PTPRN2: variants seen among roughly 807,000 people sequenced by gnomAD.
PTPRN2 encodes the protein receptor-type tyrosine-protein phosphatase N2.
PTPRN2 carries 74 observed loss-of-function variants against 118.8 expected under a neutral mutation model. The ratio of observed to expected loss-of-function variants is 0.62; its 90% CI spans 0.52 to 0.76. The LOEUF is 0.76. Ranked by LOEUF, PTPRN2 falls within the 30% of genes least tolerant of loss-of-function variation. The pLI is 0.00. For synonymous variants in PTPRN2, 641 were observed against 608.0 expected, an observed-to-expected ratio of 1.05 and a Z score of -0.80; for missense variants, 1,481 against 1,394.4, an observed-to-expected ratio of 1.06 and a Z score of -0.99.
intron 3 of PTPRN2, among the ~76,000 whole-genome samples, chr7:158,260,062 C>T (rs1484955086): frequency 6.6e-6 from 1 of 152,222 alleles, no homozygotes; most frequent in African/African-American, 2.4e-5. Context: ...TGTGCATGCA[C>T]ATATTTGTGT....
chr7:158,072,004 T>C (rs1266422633), intron 11 of PTPRN2, among the ~76,000 whole-genome samples: 1 of 103,076 alleles, frequency 9.7e-6, no homozygotes, highest in Non-Finnish European at 1.9e-5. Flanking sequence ...GTGGTGGAGG[T>C]GCTCGTCGTA....
In PTPRN2 at chr7:157,964,758, C is replaced by T. The variant is rs1233556821; in HGVS notation, c.1724-66021G>A. On this transcript the variant is annotated intron_variant, in intron 11 of 22. Coordinates refer to ENST00000389418, the MANE Select transcript of PTPRN2 (RefSeq NM_002847.5). This position sits in a 1 kb window ranked among gnomAD's most constrained non-coding sequence, Gnocchi z 9.0. ...TGCTCTGATTCCCTTCCTCAAGCTT[C>T]CCACTTGAAGGTTGGTGTGAAACCC... is the stretch of plus-strand genomic sequence containing the variant. 6.6e-6 allele frequency among the ~76,000 whole-genome samples: 1 copy of T among 152,204 alleles called. No individual in the cohort carries two copies. The highest frequency in any genetic ancestry group is 1.5e-5 in the Non-Finnish European group (1 of 68,040).
chr7:157,840,911 G>A (rs1808373642), intron 12 of PTPRN2, among the ~76,000 whole-genome samples: 1 of 152,234 alleles, frequency 6.6e-6, no homozygotes, highest in Admixed American at 6.5e-5. Context: ...AGTGCCCAGG[G>A]AGAAGCACCG....
chr7:158,330,029 A>T (rs1463110473), intron 2 of PTPRN2, among the ~76,000 whole-genome samples: 1 of 116,518 alleles, frequency 8.6e-6, no homozygotes, highest in African/African-American at 3.2e-5. Context: ...TCACCATAAG[A>T]GGTGACATCT....
At chr7:158,186,141 T>C (rs1402473363) in intron 5 of PTPRN2, among the ~76,000 whole-genome samples, 1 of 151,844 alleles carries the variant, frequency 6.6e-6, no homozygotes, top group African/African-American at 2.4e-5. Context: ...ACCTCAAGAG[T>C]TTCTTAAAAT....
chr7:157,923,961 T>G (rs902824021), intron 11 of PTPRN2, among the ~76,000 whole-genome samples: 2 of 152,182 alleles, frequency 1.3e-5, no homozygotes, highest in Non-Finnish European at 2.9e-5. Flanking sequence ...GTGTGCTGTT[T>G]GGGTTGGACC....
At chr7:158,129,478 AAC>A (rs1817989264) in intron 9 of PTPRN2, among the ~76,000 whole-genome samples, 2 of 145,784 alleles carry the variant, frequency 1.4e-5, no homozygotes, top group East Asian at 2.0e-4. Context: ...TGTGCACCAC[AAC>A]ACACAGCACA....
At chr7:158,240,154 T>C (rs918866429) in intron 3 of PTPRN2, among the ~76,000 whole-genome samples, 1 of 152,222 alleles carries the variant, frequency 6.6e-6, no homozygotes, top group Non-Finnish European at 1.5e-5. Context: ...AGGATGGCCA[T>C]TTTTATCTTT....
chr7:158,366,905 A>G (rs572980249), intron 2 of PTPRN2, among the ~76,000 whole-genome samples: 80 of 152,326 alleles, frequency 5.3e-4, no homozygotes, highest in African/African-American at 1.9e-3. Flanking sequence ...AAAACAGCAA[A>G]GCGGTGCCTT....
chr7:158,548,440 G>C (rs1368715590), intron 1 of PTPRN2, among the ~76,000 whole-genome samples: 3 of 152,064 alleles, frequency 2.0e-5, no homozygotes, highest in Non-Finnish European at 4.4e-5. Flanking sequence ...CACCCACAAG[G>C]GTGCACATGG....
chr7:157,735,067 C>T (rs1043390734), intron 12 of PTPRN2, among the ~76,000 whole-genome samples: 1 of 152,268 alleles, frequency 6.6e-6, no homozygotes, highest in Non-Finnish European at 1.5e-5. Context: ...CCGAGAGCAC[C>T]TGGCCTGGTG....
At chr7:158,272,799 G>A (rs184304610) in intron 3 of PTPRN2, among the ~76,000 whole-genome samples, 13 of 152,292 alleles carry the variant, frequency 8.5e-5, no homozygotes, top group South Asian at 4.1e-4. Context: ...GAGGGCCATC[G>A]GGGAGGTGCC....
chr7:157,734,352 C>A (rs1384215534), intron 12 of PTPRN2, among the ~76,000 whole-genome samples: 2 of 152,044 alleles, frequency 1.3e-5, no homozygotes, highest in Non-Finnish European at 2.9e-5. Flanking sequence ...CCATTCCATG[C>A]ACCCAGCACA....
In PTPRN2 at chr7:157,773,529, C is replaced by CTGCGAGGGCCAGGGGCCCCTA. The variant is rs1803012769; in HGVS notation, c.1789-90613_1789-90593dup. Among the ~76,000 whole-genome samples the CTGCGAGGGCCAGGGGCCCCTA allele has an allele frequency of 2.0e-5, 3 of 152,228 alleles. No homozygotes were observed. The South Asian group carries it at 6.2e-4, about 31-fold the overall frequency. ...GTGCTCAGTTTTCTCCATCAGCCCG[C>CTGCGAGGGCCAGGGGCCCCTA]TGCGAGGGCCAGGGGCCCCTATGCA... On this transcript the variant is annotated intron_variant, in intron 12 of 22. Transcript: ENST00000389418.
At chr7:158,124,708 C>A (rs1817472658) in intron 9 of PTPRN2, among the ~76,000 whole-genome samples, 1 of 152,104 alleles carries the variant, frequency 6.6e-6, no homozygotes, top group Non-Finnish European at 1.5e-5. Context: ...CTGCAGGAGC[C>A]CAGCTGCCGG....
chr7:158,463,801 A>G (rs113932395), intron 2 of PTPRN2, among the ~76,000 whole-genome samples: 57 of 100,764 alleles, frequency 5.7e-4, no homozygotes, highest in Middle Eastern at 0.012. Context: ...ATGCCATTTA[A>G]TAAATAATCC....
At chr7:158,303,843 C>T (rs1368188686) in intron 3 of PTPRN2, among the ~76,000 whole-genome samples, 1 of 152,246 alleles carries the variant, frequency 6.6e-6, no homozygotes, top group Non-Finnish European at 1.5e-5. Context: ...ACAACTACTG[C>T]TCCTGTTGAT....
intron 9 of PTPRN2, among the ~76,000 whole-genome samples, chr7:158,128,972 CCCA>C (rs1302880300): frequency 1.5e-4 from 22 of 149,506 alleles, no homozygotes; most frequent in Admixed American, 1.3e-3. Flanking sequence ...CACAACATAC[CCCA>C]CACCACACCT....
chr7:158,024,989 G>T (rs1807161169), intron 11 of PTPRN2, among the ~76,000 whole-genome samples: 1 of 152,200 alleles, frequency 6.6e-6, no homozygotes, highest in Non-Finnish European at 1.5e-5. Context: ...GGCAGTGGGT[G>T]GTTTGTGAAT....
Sources: allele counts gnomAD v4.1 joint callset (sites outside exome capture counted in the v4.1 genomes callset), GRCh38; gene constraint gnomAD v4.1.1; non-coding constraint Gnocchi (gnomAD v3.1); transcripts MANE v1.5; gene names NCBI Gene and HGNC (gene_info 2026-07-23, HGNC 2026-07-21).